The following TRAPPC8 variants were observed in gnomAD, a reference collection of about 807,000 sequenced individuals.
TRAPPC8 encodes general sporulation gene 1 homolog.
A neutral mutation model predicts 174.3 loss-of-function variants in TRAPPC8; 54 were observed. That is an observed-to-expected ratio of 0.31 (90% CI 0.25 to 0.39). The LOEUF (loss-of-function observed/expected upper bound fraction) is 0.39, where lower values mean the gene tolerates loss of function less well. Ranked by LOEUF, TRAPPC8 falls within the 10% of genes least tolerant of loss-of-function variation. TRAPPC8 has a pLI of 1.00. For synonymous variants in TRAPPC8, 630 were observed against 579.9 expected (o/e 1.09, Z -1.24); for missense variants, 1,531 against 1,699.1 (o/e 0.90, Z 1.74).
chr18:31,851,329 CA>C (rs1353981130), intron 24 of TRAPPC8, among the ~76,000 whole-genome samples: 1 of 152,116 alleles, frequency 6.6e-6, no homozygotes, highest in East Asian at 1.9e-4. Flanking sequence ...TGTATTTTTA[CA>C]AAATCTAGGT....
At chr18:31,911,450 C>CA (rs57267028) in intron 5 of TRAPPC8, among the ~76,000 whole-genome samples, 1,601 of 110,188 alleles carry the variant, frequency 0.015, 16 homozygotes, top group African/African-American at 0.032. Context: ...GACTCCGTCT[C>CA]AAAAAAAAAA....
At chr18:31,916,846 CAA>C (rs5823825) in intron 3 of TRAPPC8, among the ~76,000 whole-genome samples, 3 of 126,892 alleles carry the variant, frequency 2.4e-5, no homozygotes, top group Admixed American at 8.4e-5. Flanking sequence ...ATTTTCACAG[CAA>C]AAAAAAAAAA....
At position 31,856,976 on chromosome 18, in the gene TRAPPC8, G is replaced by T. The variant is rs12454168; in HGVS notation, c.3188+564C>A. On this transcript the variant is annotated intron_variant, in intron 20 of 28. Coordinates refer to ENST00000283351, the MANE Select transcript of TRAPPC8 (RefSeq NM_014939.5). ...TAATTTTGTAAAAATGACAATGGAG[G>T]TATCAAAAGAAAATATTCTGTTGAA... is the stretch of plus-strand genomic sequence containing the variant. Among the ~76,000 whole-genome samples the T allele has an allele frequency of 3.2e-3, 493 of 151,958 alleles. 14 individuals are homozygous for T. Among genetic ancestry groups the T allele is most frequent in the Admixed American group, 0.029 (446 of 15,238 alleles).
At chr18:31,862,150 T>C (rs2034360936) in intron 19 of TRAPPC8, among the ~76,000 whole-genome samples, 1 of 152,082 alleles carries the variant, frequency 6.6e-6, no homozygotes, top group Admixed American at 6.5e-5. Flanking sequence ...TAATGGTGAA[T>C]AACCCTAAAA....
chr18:31,901,704 T>A (rs2036434736), intron 9 of TRAPPC8, among the ~76,000 whole-genome samples: 1 of 152,234 alleles, frequency 6.6e-6, no homozygotes, highest in African/African-American at 2.4e-5. Context: ...GAGCAAAGAC[T>A]GCCTCCTAAG....
At chr18:31,861,010 C>T (rs2034293457) in intron 19 of TRAPPC8, among the ~76,000 whole-genome samples, 1 of 152,028 alleles carries the variant, frequency 6.6e-6, no homozygotes, top group Non-Finnish European at 1.5e-5. Flanking sequence ...CTGAAGAAAC[C>T]AAAACTGGAA....
intron 1 of TRAPPC8, 72 bp from the exon 2 acceptor site, chr18:31,931,595 G>T: frequency 8.4e-7 from 1 of 1,196,892 alleles, no homozygotes; most frequent in Non-Finnish European, 1.1e-6. Context: ...TTGGGCTGAT[G>T]GTTTACAAAC....
At chr18:31,840,698 A>C (rs941632902) in intron 26 of TRAPPC8, among the ~76,000 whole-genome samples, 1 of 152,206 alleles carries the variant, frequency 6.6e-6, no homozygotes, top group African/African-American at 2.4e-5. Flanking sequence ...GACAGAAATG[A>C]GTATTATGAC....
rs2038418160 is a variant in TRAPPC8 at position 31,942,973 on chromosome 18, G to A, written c.-209C>T. The stretch of plus-strand genomic sequence containing the variant: ...TGACCCCCCCCTTCCCGTCACCGCC[G>A]CTTCTCAGCGCTCGTCCCCGCGTGC... On this transcript the variant is annotated 5_prime_UTR_variant, in exon 1 of 29. Coordinates refer to ENST00000283351, the MANE Select transcript of TRAPPC8 (RefSeq NM_014939.5). The A allele has an allele frequency of 9.7e-6, 10 of 1,031,442 alleles. No individual in the cohort carries two copies. The allele number at this position is 1,031,442 out of a possible 1,614,324, so 63.9% of individuals were successfully genotyped here. A position where few individuals can be genotyped will look rare whatever the true frequency, so the allele number is the denominator to read the frequency against.
intron 19 of TRAPPC8, among the ~76,000 whole-genome samples, chr18:31,859,436 C>T (rs2034208335): frequency 6.6e-6 from 1 of 152,172 alleles, no homozygotes; most frequent in Non-Finnish European, 1.5e-5. Context: ...AAGACACTGA[C>T]TCTCTGTACT....
At chr18:31,848,945 AT>A (rs1245515614) in intron 25 of TRAPPC8, among the ~76,000 whole-genome samples, 1 of 151,472 alleles carries the variant, frequency 6.6e-6, no homozygotes, top group African/African-American at 2.4e-5. Context: ...TTTGGATCTG[AT>A]TTTTTTTTAA....
intron 2 of TRAPPC8, 68 bp from the exon 3 acceptor site, chr18:31,917,735 CAAGTCCATATTCCTAA>C: frequency 5.0e-6 from 7 of 1,411,108 alleles, no homozygotes; most frequent in Non-Finnish European, 6.8e-6. Flanking sequence ...GACAAAATTT[CAAGTCCATATTCCTAA>C]AAGGTATAAA....
Position 31,861,838 on chromosome 18 carries a change from A to C in TRAPPC8, c.2745+2789T>G, listed in dbSNP as rs773941366. Among the ~76,000 whole-genome samples the C allele has an allele frequency of 7.8e-4, 116 of 149,270 alleles. 1 individual carries two copies. Among genetic ancestry groups the C allele is most frequent in the Non-Finnish European group, 1.9e-4 (13 of 67,392 alleles). On this transcript the variant is annotated intron_variant, in intron 19 of 28. Transcript: ENST00000283351. ...CCTGTAGTCCCAGCTATTCAGGAAG[A>C]ACACTTGAGTCCAGGAAGCCAAGGC...
chr18:31,876,509 A>AAAAAAAAAAAAAAAAAAAAAC (rs2035160356), intron 12 of TRAPPC8, among the ~76,000 whole-genome samples: 1 of 148,614 alleles, frequency 6.7e-6, no homozygotes, highest in Non-Finnish European at 1.5e-5. Flanking sequence ...AAAAAAAAAA[A>AAAAAAAAAAAAAAAAAAAAAC]AAAGATCACT....
At chr18:31,918,693 C>T (rs957764642) in intron 2 of TRAPPC8, among the ~76,000 whole-genome samples, 4 of 152,212 alleles carry the variant, frequency 2.6e-5, no homozygotes, top group Non-Finnish European at 4.4e-5. Context: ...AATGAAATTT[C>T]GAAGTACATT....
At chr18:31,840,725 G>A (rs1009112894) in intron 26 of TRAPPC8, among the ~76,000 whole-genome samples, 2 of 152,124 alleles carry the variant, frequency 1.3e-5, no homozygotes, top group Non-Finnish European at 2.9e-5. Context: ...AATCTGGTGA[G>A]CAAAACCTAA....
chr18:31,894,013 C>T (rs904714508), intron 11 of TRAPPC8, among the ~76,000 whole-genome samples: 1 of 152,110 alleles, frequency 6.6e-6, no homozygotes, highest in East Asian at 1.9e-4. Context: ...CAGTTAAAAA[C>T]CAAAATGAGA....
Position 31,852,585 on chromosome 18 carries a change from G to A in TRAPPC8, c.3502+10C>T, listed in dbSNP as rs1302961306. On this transcript the variant is annotated intron_variant, in intron 23 of 28. Coordinates refer to ENST00000283351, the MANE Select transcript of TRAPPC8 (RefSeq NM_014939.5). ...CCATTTAGTAAAGTGTAAAAGTAAA[G>A]TGAATTTACCTTCTTCTTTCTCACA... The A allele has an allele frequency of 8.1e-6, 13 of 1,613,824 alleles. No homozygotes were observed. Among genetic ancestry groups the A allele is most frequent in the Non-Finnish European group, 1.0e-5 (12 of 1,179,840 alleles).
At chr18:31,892,529 A>C (rs1300468326) in intron 11 of TRAPPC8, among the ~76,000 whole-genome samples, 1 of 152,162 alleles carries the variant, frequency 6.6e-6, no homozygotes, top group Non-Finnish European at 1.5e-5. Context: ...ACATTTGAAT[A>C]ATTATTCAAA....
Sources: gnomAD v4.1 joint callset for allele counts (sites outside exome capture counted in the v4.1 genomes callset) on GRCh38, gnomAD v4.1.1 for gene constraint, MANE v1.5 for transcripts, NCBI Gene and HGNC (gene_info 2026-07-23, HGNC 2026-07-21) for gene names.